B4GALNT2: variants seen among roughly 807,000 people sequenced by gnomAD.
The protein encoded by B4GALNT2 is beta-1,4-N-acetyl-galactosaminyltransferase 2 (SID blood group), also known as N-acetylneuraminylgalactosylglucosyl-glucoside beta-1,4-N- acetylgalactosaminyltransferase 2.
A neutral mutation model predicts 51.1 loss-of-function variants in B4GALNT2; 42 were observed. The ratio of observed to expected loss-of-function variants is 0.82; its 90% CI spans 0.64 to 1.06. B4GALNT2 has a LOEUF of 1.06. Among genes scored for constraint, B4GALNT2 ranks in the 50% least tolerant of loss-of-function variants. The pLI is 0.00. For missense variants in B4GALNT2, 602 were observed against 633.6 expected (o/e 0.95, Z 0.54); for synonymous variants, 253 against 251.7 (o/e 1.01, Z -0.05).
intron 1 of B4GALNT2, 47 bp downstream of exon 1, chr17:49,132,853 G>T (rs2042551810): frequency 6.6e-6 from 9 of 1,371,586 alleles, no homozygotes; most frequent in Non-Finnish European, 9.4e-7. Context: ...AACTTCGGGA[G>T]CAGGGAGCGC....
upstream of B4GALNT2, chr17:49,132,612 G>A (rs2042549230): frequency 3.4e-6 from 2 of 584,320 alleles, no homozygotes; most frequent in Non-Finnish European, 5.3e-6. Flanking sequence ...GAAAAGTCCA[G>A]GGTAGAGATG....
rs1011274491 is a variant in B4GALNT2, at chr17:49,169,903, G to A, written c.*175G>A. 17 of 594,322 alleles carry A rather than the reference G, an allele frequency of 2.9e-5. No individual in the cohort carries two copies. Among genetic ancestry groups the A allele is most frequent in the Admixed American group, 3.4e-5 (1 of 29,634 alleles). The allele number at this position is 594,322 out of a possible 1,614,324, so 36.8% of individuals were successfully genotyped here. ...TCAAAGGTGAAGGGTCACTGGAAAT[G>A]AACCAGTCACTGACCAGGGCAATGG... On this transcript the variant is annotated 3_prime_UTR_variant, in exon 11 of 11. Coordinates refer to ENST00000393354, the MANE Select transcript of B4GALNT2 (RefSeq NM_001159387.2).
the B4GALNT2 span, among the ~76,000 whole-genome samples, chr17:49,126,575 T>C: frequency 6.6e-6 from 1 of 151,526 alleles, no homozygotes; most frequent in African/African-American, 2.4e-5. Context: ...AGCTAAGAGT[T>C]ATAGTGGCAT....
chr17:49,164,229 A>T lies in B4GALNT2; in HGVS notation c.908A>T (p.Glu303Val). Reference sequence around the variant, plus strand: ...GCTGATGACAGCCAGAAGCCCCTGGAAATTAAAGACAATCACGTGGAGTAT... The same window carrying T: ...GCTGATGACAGCCAGAAGCCCCTGGTAATTAAAGACAATCACGTGGAGTAT... ...IVADDSQKPL[E>V]IKDNHVEYYT... Residue 303 changes from glutamate (E) to valine (V), a missense_variant, in exon 8 of 11, where the codon GAA (glutamate) becomes GTA (valine). By Grantham distance (121) the Glu-to-Val change is moderately radical. Transcript: ENST00000393354. 1 of 1,613,720 alleles carries T rather than the reference A, an allele frequency of 6.2e-7. No homozygotes were observed. Among genetic ancestry groups the T allele is most frequent in the Non-Finnish European group, 8.5e-7 (1 of 1,179,632 alleles).
At chr17:49,148,844 T>A (rs529446662) in intron 3 of B4GALNT2, 58 of 256,840 alleles carry the variant, frequency 2.3e-4, no homozygotes, top group African/African-American at 1.3e-3. Flanking sequence ...GATCACGAGG[T>A]CAAGAGATCA....
intron 7 of B4GALNT2, among the ~76,000 whole-genome samples, chr17:49,163,135 A>C (rs1049626048): frequency 1.3e-5 from 2 of 152,086 alleles, no homozygotes; most frequent in African/African-American, 2.4e-5. Context: ...TTCTCCGTTT[A>C]GTGGCTGAAT....
intron 7 of B4GALNT2, among the ~76,000 whole-genome samples, chr17:49,162,912 CAAAA>C (rs34568226): frequency 2.6e-4 from 14 of 53,630 alleles, no homozygotes; most frequent in Middle Eastern, 0.012. Context: ...GAAACTGTCT[CAAAA>C]AAAAAAAAAA....
At chr17:49,140,688 C>T (rs1404047771) in intron 1 of B4GALNT2, among the ~76,000 whole-genome samples, 2 of 150,382 alleles carry the variant, frequency 1.3e-5, no homozygotes, top group African/African-American at 4.9e-5. Flanking sequence ...TTTTTTATTG[C>T]CTTGAATTTA....
At chr17:49,123,294 G>A in the B4GALNT2 span, among the ~76,000 whole-genome samples, 1 of 152,212 alleles carries the variant, frequency 6.6e-6, no homozygotes, top group Non-Finnish European at 1.5e-5. Flanking sequence ...ATGGTTGGAG[G>A]CTTATAGGCA....
At chr17:49,150,231 C>T (rs1332396521) in intron 3 of B4GALNT2, among the ~76,000 whole-genome samples, 5 of 144,404 alleles carry the variant, frequency 3.5e-5, no homozygotes, top group Middle Eastern at 3.7e-3. Context: ...CCAGCCGCCC[C>T]GTCCGGGAGG....
intron 1 of B4GALNT2, chr17:49,133,073 C>T: frequency 1.3e-6 from 2 of 1,505,912 alleles, no homozygotes; most frequent in Non-Finnish European, 1.8e-6. Flanking sequence ...TGGAAGTGGC[C>T]TCTCGCGGCC....
chr17:49,134,403 T>C (rs1184500412), intron 1 of B4GALNT2, among the ~76,000 whole-genome samples: 1 of 152,186 alleles, frequency 6.6e-6, no homozygotes, highest in African/African-American at 2.4e-5. Flanking sequence ...TATTTGAAAC[T>C]ATATTATTAT....
At chr17:49,164,565 G>C (rs1470348299) in intron 8 of B4GALNT2, among the ~76,000 whole-genome samples, 2 of 138,808 alleles carry the variant, frequency 1.4e-5, no homozygotes, top group Non-Finnish European at 3.0e-5. Context: ...GCCGTGGCAT[G>C]ATCTCAGCTC....
chr17:49,147,047 T>C (rs1416533262), intron 3 of B4GALNT2, among the ~76,000 whole-genome samples: 5 of 152,344 alleles, frequency 3.3e-5, no homozygotes, highest in African/African-American at 1.2e-4. Flanking sequence ...GATGAGGTAA[T>C]CTGGCAAAAT....
At chr17:49,146,519 G>A (rs796923457) in intron 3 of B4GALNT2, among the ~76,000 whole-genome samples, 22 of 152,216 alleles carry the variant, frequency 1.4e-4, no homozygotes, top group African/African-American at 4.3e-4. Flanking sequence ...CCATGTTGCC[G>A]AGGCTGGTTT....
At chr17:49,127,094 G>C in the B4GALNT2 span, among the ~76,000 whole-genome samples, 2 of 152,264 alleles carry the variant, frequency 1.3e-5, no homozygotes, top group African/African-American at 4.8e-5. Context: ...TTGCTGACTT[G>C]TTGTAAACAT....
rs543161908 is a variant in B4GALNT2, at chr17:49,159,332, T to G, written c.679+115T>G. On this transcript the variant is annotated intron_variant, in intron 6 of 10. Coordinates refer to ENST00000393354, the MANE Select transcript of B4GALNT2 (RefSeq NM_001159387.2). ...CCTGTTTTTTGTGTTTTGTGTGTGT[T>G]TGTTTGTTTTGTTTTGTTTTGTTTT... 151 of 1,163,072 alleles carry G rather than the reference T, an allele frequency of 1.3e-4. No individual in the cohort carries two copies. The African/African-American group carries it at 2.1e-3, about 16-fold the overall frequency. 72.0% of individuals were successfully genotyped at this position (1,163,072 alleles called of 1,614,324 possible). A position where few individuals can be genotyped will look rare whatever the true frequency, so the allele number is the denominator to read the frequency against.
rs775950015 is a variant in B4GALNT2 at position 49,159,191 on chromosome 17, G to T, written c.653G>T (p.Gly218Val). 1 of 1,614,130 alleles carries T rather than the reference G, an allele frequency of 6.2e-7. No homozygotes were observed. The highest frequency in any genetic ancestry group is 8.5e-7 in the Non-Finnish European group (1 of 1,180,010). Residue 218 changes from glycine (G) to valine (V), a missense_variant, in exon 6 of 11, where the codon GGG (glycine) becomes GTG (valine). Transcript: ENST00000393354. ...CAGCACGTGACATACACCAGCACGG[G>T]GTACCAGCACCAGAAGGTAGACATA... The part of the protein sequence containing the change: ...ILQHVTYTST[G>V]YQHQKVDIVS...
intron 3 of B4GALNT2, chr17:49,148,291 T>G: frequency 3.0e-6 from 1 of 329,440 alleles, no homozygotes; most frequent in South Asian, 2.5e-5. Flanking sequence ...CAGAGTGAGA[T>G]CCTGTCTCGA....
Sources: allele counts gnomAD v4.1 joint callset (sites outside exome capture counted in the v4.1 genomes callset), GRCh38; gene constraint gnomAD v4.1.1; transcripts MANE v1.5; gene names NCBI Gene and HGNC (gene_info 2026-07-23, HGNC 2026-07-21).